TNFAIP2: variants seen among roughly 807,000 people sequenced by gnomAD.
The protein encoded by TNFAIP2 is TNF alpha induced protein 2.
In TNFAIP2, 47 loss-of-function variants were observed where a neutral mutation model predicts 63.5. The observed-to-expected ratio is 0.74, with a 90% CI of 0.59 to 0.94. The LOEUF (loss-of-function observed/expected upper bound fraction) is 0.94, where lower values mean the gene tolerates loss of function less well. Among genes scored for constraint, TNFAIP2 ranks in the 40% least tolerant of loss-of-function variants. The pLI is 0.00. For synonymous variants in TNFAIP2, 405 were observed against 390.2 expected (o/e 1.04, Z -0.45); for missense variants, 787 against 850.2 (o/e 0.93, Z 0.92).
Position 103,126,519 on chromosome 14 carries a change from G to T in TNFAIP2, c.62G>T (p.Arg21Met), listed in dbSNP as rs1183564071. 1.3e-6 allele frequency: 2 copies of T among 1,589,226 alleles called. No individual in the cohort carries two copies. Among genetic ancestry groups the T allele is most frequent in the South Asian group, 2.3e-5 (2 of 87,682 alleles). Residue 21 changes from arginine to methionine, a missense_variant, in exon 2 of 12, where the codon AGG becomes ATG. Physicochemically the swap from Arg to Met is moderately conservative, Grantham distance 91. Coordinates refer to ENST00000560869, the MANE Select transcript of TNFAIP2 (RefSeq NM_006291.4). ...CTGGAGGCTGGGGCAGCCCCATATA[G>T]GGAGGAGGAAGAGGCGGCGAAGAAG... ...PPLEAGAAPY[R>M]EEEEAAKKKK...
rs1266889524 is a variant in TNFAIP2 at position 103,127,115 on chromosome 14, G to A, written c.346G>A (p.Glu116Lys). The change falls in exon 3 of 12, where the codon GAG (glutamate) becomes AAG (lysine). Residue 116 changes from glutamate to lysine, a missense_variant. Physicochemically the swap from Glu to Lys is moderately conservative, Grantham distance 56 (BLOSUM62 1). This residue lies in a region of TNFAIP2 where 258 missense variants were observed against 228.9 expected (regional missense o/e 1.13). Transcript: ENST00000560869. This position sits in a 1 kb window ranked among gnomAD's most constrained non-coding sequence, Gnocchi z 5.1. Reference protein sequence around the residue: ...AAAAAGGVSEEELVRRQSKVE... With the variant: ...AAAAAGGVSEKELVRRQSKVE... Reference sequence around the variant, plus strand: ...GGCGGCGGCGGGCGGTGTGAGCGAGGAGGAGCTGGTGCGGCGCCAGAGCAA... The same window carrying A: ...GGCGGCGGCGGGCGGTGTGAGCGAGAAGGAGCTGGTGCGGCGCCAGAGCAA... 115 of 1,101,620 alleles carry A rather than the reference G, an allele frequency of 1.0e-4. 1 individual carries two copies. The highest frequency in any genetic ancestry group is 1.3e-4 in the Non-Finnish European group (115 of 904,600). 68.2% of individuals were successfully genotyped at this position (1,101,620 alleles called of 1,614,324 possible).
intron 3 of TNFAIP2, among the ~76,000 whole-genome samples, chr14:103,128,559 G>A (rs1293282040): frequency 6.6e-6 from 1 of 152,172 alleles, no homozygotes; most frequent in Non-Finnish European, 1.5e-5. Context: ...CTTTAGGAAG[G>A]AAGCCTGGAG....
chr14:103,129,504 T>TGGGG (rs35176857), intron 3 of TNFAIP2, among the ~76,000 whole-genome samples: 1 of 129,270 alleles, frequency 7.7e-6, no homozygotes, highest in Non-Finnish European at 1.7e-5. Flanking sequence ...CAGGACCTAA[T>TGGGG]GGGGGGGGGG....
chr14:103,126,800 C>T (rs1396225414), intron 2 of TNFAIP2, 108 bp downstream of exon 2: 2 of 1,349,804 alleles, frequency 1.5e-6, no homozygotes, highest in Admixed American at 2.6e-5. Context: ...GGCTGGAAGG[C>T]GCGTCTGTCT....
In TNFAIP2 at chr14:103,131,243, C is replaced by A; in HGVS notation, c.1298+93C>A. On this transcript the variant is annotated intron_variant, in intron 7 of 11. Transcript: ENST00000560869. The surrounding 1 kb of genome is among the most constrained non-coding windows in gnomAD (Gnocchi z 4.0). ...GTGGAGGGAGGAGGAGCTGCTTAGG[C>A]CAAGAAGTGGAATTCAAACCAGCAA... 1 of 1,365,714 alleles carries A rather than the reference C, an allele frequency of 7.3e-7. No homozygotes were observed. The allele number at this position is 1,365,714 out of a possible 1,614,324, so 84.6% of individuals were successfully genotyped here.
rs555391087 is a variant in TNFAIP2, at chr14:103,132,867, C to T, written c.1540C>T (p.Arg514Trp). 6.7e-5 allele frequency: 108 copies of T among 1,613,764 alleles called. No homozygotes were observed. The South Asian group carries it at 9.7e-4, about 14-fold the overall frequency. ...PEFSELQGCF[R>W]EELMEALHLH... ...GTTCTCAGAGCTGCAGGGCTGTTTC[C>T]GGGAGGTGAGGAGGCTCTGGGCTGG... The change falls in exon 9 of 12, where the codon CGG becomes TGG. Residue 514 changes from arginine (R) to tryptophan (W), a missense_variant. Coordinates refer to ENST00000560869, the MANE Select transcript of TNFAIP2 (RefSeq NM_006291.4).
chr14:103,136,250 C>G lies in TNFAIP2; in HGVS notation c.*890C>G, dbSNP rs1009403526. Reference sequence around the variant, plus strand: ...GGCCTCTGTATTTGTTTCCTATTGCCGTGACAGGTTTCCACAAACTTCGTG... The same window carrying G: ...GGCCTCTGTATTTGTTTCCTATTGCGGTGACAGGTTTCCACAAACTTCGTG... On this transcript the variant is annotated 3_prime_UTR_variant, in exon 12 of 12. Transcript: ENST00000560869. 2 of 224,222 alleles carry G rather than the reference C, an allele frequency of 8.9e-6. No homozygotes were observed. Among genetic ancestry groups the G allele is most frequent in the South Asian group, 1.1e-4 (2 of 18,178 alleles). The allele number at this position is 224,222 out of a possible 1,614,324, so 13.9% of individuals were successfully genotyped here. A position where few individuals can be genotyped will look rare whatever the true frequency, so the allele number is the denominator to read the frequency against.
In TNFAIP2 at chr14:103,131,100, G is replaced by C. The variant is rs149002647; in HGVS notation, c.1248G>C (p.Thr416=). 2 of 1,614,176 alleles carry C rather than the reference G, an allele frequency of 1.2e-6. No individual in the cohort carries two copies. The highest frequency in any genetic ancestry group is 1.7e-6 in the Non-Finnish European group (2 of 1,180,040). Residue 416 remains threonine, a synonymous_variant, in exon 7 of 12, where the codon ACG becomes ACC. Transcript: ENST00000560869. The surrounding 1 kb of genome is among the most constrained non-coding windows in gnomAD (Gnocchi z 4.0). ...NEFLERGKQL[T]NYRANVIANI... ...TTCTGGAGAGAGGCAAGCAGCTGACGAATTACAGGGCCAATGTTATTGCCA... is the reference window on the plus strand; with the variant it reads ...TTCTGGAGAGAGGCAAGCAGCTGACCAATTACAGGGCCAATGTTATTGCCA...
chr14:103,124,168 C>T (rs2087805733), intron 1 of TNFAIP2, among the ~76,000 whole-genome samples: 2 of 152,222 alleles, frequency 1.3e-5, no homozygotes, highest in South Asian at 4.1e-4. Flanking sequence ...ACAGGAGACT[C>T]ACCCCCACTG....
At position 103,135,106 on chromosome 14, in the gene TNFAIP2, C is replaced by T. The variant is rs2088067405; in HGVS notation, c.1824-113C>T. 6 of 1,364,158 alleles carry T rather than the reference C, an allele frequency of 4.4e-6. No individual in the cohort carries two copies. The highest frequency in any genetic ancestry group is 6.2e-6 in the Non-Finnish European group (6 of 964,722). 84.5% of individuals were successfully genotyped at this position (1,364,158 alleles called of 1,614,324 possible). ...GTGAGGGAGAGTGAAGTGCAGCCCCCTCGTGGGCCGGGCGTTGGCTGTCGG... is the reference window on the plus strand; with the variant it reads ...GTGAGGGAGAGTGAAGTGCAGCCCCTTCGTGGGCCGGGCGTTGGCTGTCGG... On this transcript the variant is annotated intron_variant, in intron 11 of 11. Coordinates refer to ENST00000560869, the MANE Select transcript of TNFAIP2 (RefSeq NM_006291.4). This position sits in a 1 kb window ranked among gnomAD's most constrained non-coding sequence, Gnocchi z 7.6.
rs116213527 is a variant in TNFAIP2, at chr14:103,127,964, G to A, written c.860+335G>A. Among the ~76,000 whole-genome samples the A allele has an allele frequency of 0.012, 1,784 of 152,266 alleles. 21 individuals are homozygous for A. The highest frequency in any genetic ancestry group is 0.024 in the African/African-American group (987 of 41,544). On this transcript the variant is annotated intron_variant, in intron 3 of 11. Coordinates refer to ENST00000560869, the MANE Select transcript of TNFAIP2 (RefSeq NM_006291.4). This position sits in a 1 kb window ranked among gnomAD's most constrained non-coding sequence, Gnocchi z 5.1. ...TCACGAGCGCCCAGTCTGAGGAGGG[G>A]GCAAAGCAATCAATAACCATCCAGA... is the stretch of plus-strand genomic sequence containing the variant.
In TNFAIP2 at chr14:103,126,606, G is replaced by GGAA. The variant is rs749617300; in HGVS notation, c.160_162dup (p.Lys54dup). On this transcript the variant is annotated inframe_insertion, in exon 2 of 12. Transcript: ENST00000560869. ...AATGTGTTCTGCGTCTTCACCAAAG[G>GGAA]GAAGAAGAAGAAGGGTCAGCCCAGC... is the stretch of plus-strand genomic sequence containing the variant. The GGAA allele has an allele frequency of 6.4e-7, 1 of 1,554,146 alleles. No homozygotes were observed. The highest frequency in any genetic ancestry group is 8.7e-7 in the Non-Finnish European group (1 of 1,148,636).
At chr14:103,134,418 C>T (rs934800611) in intron 11 of TNFAIP2, among the ~76,000 whole-genome samples, 5 of 151,990 alleles carry the variant, frequency 3.3e-5, no homozygotes, top group Admixed American at 6.6e-5. Flanking sequence ...TCTGGCTATC[C>T]GTCTATCTTC....
At position 103,135,280 on chromosome 14, in the gene TNFAIP2, C is replaced by T. The variant is rs1466594720; in HGVS notation, c.1885C>T (p.Arg629Cys). The change falls in exon 12 of 12, where the codon CGC becomes TGC. Residue 629 changes from arginine to cysteine, a missense_variant. Coordinates refer to ENST00000560869, the MANE Select transcript of TNFAIP2 (RefSeq NM_006291.4). This position sits in a 1 kb window ranked among gnomAD's most constrained non-coding sequence, Gnocchi z 7.6. ...KGNLSNSEVK[R>C]IRSILDVSMG... ...GAACCTATCCAACAGTGAGGTCAAG[C>T]GCATCCGGAGCATCTTGGACGTCAG... is the stretch of plus-strand genomic sequence containing the variant. 14 of 1,614,014 alleles carry T rather than the reference C, an allele frequency of 8.7e-6. No individual in the cohort carries two copies. Among genetic ancestry groups the T allele is most frequent in the South Asian group, 3.3e-5 (3 of 91,088 alleles).
chr14:103,133,692 C>G lies in TNFAIP2; in HGVS notation c.1712C>G (p.Ala571Gly), dbSNP rs559787117. The G allele has an allele frequency of 1.4e-5, 22 of 1,567,058 alleles. 1 individual carries two copies. The South Asian group carries it at 2.6e-4, about 18-fold the overall frequency. The change falls in exon 11 of 12, where the codon GCG (alanine) becomes GGG (glycine). Residue 571 changes from alanine to glycine, a missense_variant. Ala to Gly is a moderately conservative substitution (Grantham distance 60). Transcript: ENST00000560869. ...CACCCACTCCTGCAGGGCTCCCCGG[C>G]GACCTGGCTGCAGCCTGCTCTCCCT... ...QHFCTQHGSP[A>G]TWLQPALPTL...
chr14:103,130,356 G>T lies in TNFAIP2; in HGVS notation c.1140G>T (p.Leu380=). Residue 380 remains leucine (L), a synonymous_variant, in exon 6 of 12, where the codon CTG becomes CTT. Transcript: ENST00000560869. The part of the protein sequence containing the change: ...QAQAKAESIT[L]DLGSQIKRVL... Reference sequence around the variant, plus strand: ...AGGCCAAGGCCGAGAGCATCACGCTGGACTTGGGCTCACAGATAAAGCGGG... The same window carrying T: ...AGGCCAAGGCCGAGAGCATCACGCTTGACTTGGGCTCACAGATAAAGCGGG... The T allele has an allele frequency of 6.4e-7, 1 of 1,569,584 alleles. No homozygotes were observed.
Position 103,135,891 on chromosome 14 carries a change from G to C in TNFAIP2, c.*531G>C, listed in dbSNP as rs760129248. 1 of 1,289,898 alleles carries C rather than the reference G, an allele frequency of 7.8e-7. No homozygotes were observed. Among genetic ancestry groups the C allele is most frequent in the Non-Finnish European group, 1.0e-6 (1 of 989,252 alleles). The allele number at this position is 1,289,898 out of a possible 1,614,324, so 79.9% of individuals were successfully genotyped here. ...AGAAAGAAGGAAAAGATGAGCTCTC[G>C]TCTGGCAGGGGCTTTTAGGGTCCTG... is the stretch of plus-strand genomic sequence containing the variant. On this transcript the variant is annotated 3_prime_UTR_variant, in exon 12 of 12. Coordinates refer to ENST00000560869, the MANE Select transcript of TNFAIP2 (RefSeq NM_006291.4). This position sits in a 1 kb window ranked among gnomAD's most constrained non-coding sequence, Gnocchi z 7.6.
chr14:103,130,053 T>A lies in TNFAIP2; in HGVS notation c.1027T>A (p.Trp343Arg). The change falls in exon 5 of 12, where the codon TGG becomes AGG. Residue 343 changes from tryptophan to arginine, a missense_variant. Physicochemically the swap from Trp to Arg is moderately radical, Grantham distance 101 (BLOSUM62 -3). Coordinates refer to ENST00000560869, the MANE Select transcript of TNFAIP2 (RefSeq NM_006291.4). ...DRALELEARR[W>R]AEDVPPQRLD... ...AGCTCTGGAGCTAGAGGCACGGCGC[T>A]GGGCTGAGGATGTGCCTCCCCAGAG... The A allele has an allele frequency of 6.2e-7, 1 of 1,613,276 alleles. No homozygotes were observed. Among genetic ancestry groups the A allele is most frequent in the Non-Finnish European group, 8.5e-7 (1 of 1,179,920 alleles).
At chr14:103,133,659 TC>T in intron 10 of TNFAIP2, 22 bp from the exon 11 acceptor site, 3 of 1,551,364 alleles carry the variant, frequency 1.9e-6, no homozygotes, top group Non-Finnish European at 2.6e-6. Flanking sequence ...CCTGGGTCCC[TC>T]CAACCACACC....
Sources: allele counts gnomAD v4.1 joint callset (sites outside exome capture counted in the v4.1 genomes callset), GRCh38; gene constraint gnomAD v4.1.1; regional missense constraint gnomAD v4.1.1; non-coding constraint Gnocchi (gnomAD v3.1); transcripts MANE v1.5; gene names NCBI Gene and HGNC (gene_info 2026-07-23, HGNC 2026-07-21).